CBLN2: variants seen among roughly 807,000 people sequenced by gnomAD.
The protein encoded by CBLN2 is cerebellin 2 precursor.
Under a neutral mutation model 15.0 loss-of-function variants are expected in CBLN2, and 7 were observed. The observed-to-expected ratio is 0.47, with a 90% CI of 0.27 to 0.88. CBLN2 has a LOEUF of 0.88. Among genes scored for constraint, CBLN2 ranks in the 40% least tolerant of loss-of-function variants. The pLI, the probability that CBLN2 is intolerant of heterozygous loss-of-function variation, is 0.14. For synonymous variants in CBLN2, 149 were observed against 135.2 expected (o/e 1.10, Z -0.71); for missense variants, 242 against 304.5 (o/e 0.79, Z 1.53).
At chr18:72,574,377 C>G (rs1462948056) in intron 1 of CBLN2, among the ~76,000 whole-genome samples, 1 of 152,112 alleles carries the variant, frequency 6.6e-6, no homozygotes, top group Non-Finnish European at 1.5e-5. Context: ...TGTTTTCTTT[C>G]AGGAGTTTTA....
intron 1 of CBLN2, among the ~76,000 whole-genome samples, chr18:72,598,116 T>A (rs1238414889): frequency 6.6e-6 from 1 of 152,150 alleles, no homozygotes; most frequent in East Asian, 1.9e-4. Context: ...AGAAATAGTC[T>A]TTCCCCATAA....
chr18:72,559,930 G>T (rs1031989478), intron 1 of CBLN2, among the ~76,000 whole-genome samples: 5 of 152,186 alleles, frequency 3.3e-5, no homozygotes, highest in African/African-American at 1.2e-4. Flanking sequence ...GGTGACACTT[G>T]TTAATTTTTT....
At chr18:72,542,909 C>CCCCA (rs1555700263) in intron 2 of CBLN2, 1 of 131,652 alleles carries the variant, frequency 7.6e-6, no homozygotes, top group African/African-American at 2.9e-5. Flanking sequence ...GGAAATGACA[C>CCCCA]CACACACACA....
chr18:72,579,658 G>A (rs11151776), intron 1 of CBLN2, among the ~76,000 whole-genome samples: 81,119 of 151,884 alleles, frequency 0.53, 26,255 homozygotes, highest in Non-Finnish European at 0.73. Flanking sequence ...CTTGAACCTG[G>A]GAGGCAGAGG....
intron 1 of CBLN2, chr18:72,618,434 C>A (rs1422826053): frequency 7.8e-6 from 5 of 638,730 alleles, no homozygotes; most frequent in African/African-American, 3.5e-5. Flanking sequence ...GCTCCAGGAG[C>A]TTTGGGTTTG....
chr18:72,567,864 G>A (rs945492314), intron 1 of CBLN2, among the ~76,000 whole-genome samples: 1 of 152,174 alleles, frequency 6.6e-6, no homozygotes, highest in Admixed American at 6.5e-5. Context: ...GCAGTTGCAA[G>A]TATACATTGC....
At chr18:72,558,587 C>T (rs182446932) in intron 1 of CBLN2, among the ~76,000 whole-genome samples, 1 of 152,212 alleles carries the variant, frequency 6.6e-6, no homozygotes, top group African/African-American at 2.4e-5. Context: ...GAAGTAATCC[C>T]ATTACTTCAC....
intron 1 of CBLN2, chr18:72,618,420 A>G: frequency 4.9e-6 from 3 of 613,106 alleles, no homozygotes; most frequent in South Asian, 4.5e-5. Flanking sequence ...TCCAAACACC[A>G]AGAGCTCCAG....
chr18:72,613,554 G>A (rs1184176976), intron 1 of CBLN2, among the ~76,000 whole-genome samples: 1 of 151,988 alleles, frequency 6.6e-6, no homozygotes, highest in Non-Finnish European at 1.5e-5. Context: ...GGTGATACAA[G>A]CCTTGGTACA....
intron 1 of CBLN2, among the ~76,000 whole-genome samples, chr18:72,578,000 T>A (rs1186840892): frequency 2.0e-5 from 3 of 152,212 alleles, no homozygotes; most frequent in African/African-American, 7.2e-5. Context: ...ATACAGATTC[T>A]GCAGTCAGAC....
At chr18:72,570,635 G>C (rs1339822211) in intron 1 of CBLN2, among the ~76,000 whole-genome samples, 2 of 151,826 alleles carry the variant, frequency 1.3e-5, no homozygotes, top group African/African-American at 2.4e-5. Flanking sequence ...GCCTTCTTGT[G>C]CTTGGGAAGA....
rs758434340 is a variant in CBLN2, at chr18:72,541,930, G to T, written c.231C>A (p.Ala77=). 1.9e-6 allele frequency: 3 copies of T among 1,608,006 alleles called. No individual in the cohort carries two copies. In the South Asian group the frequency reaches 3.3e-5, roughly 18 times the overall value. Residue 77 remains alanine, a synonymous_variant, in exon 3 of 5, where the codon GCC becomes GCA. Coordinates refer to ENST00000269503, the MANE Select transcript of CBLN2 (RefSeq NM_182511.4). ...CGGAGATGCCTAGGGAGGAGGTGAC[G>T]GCGCCGTCCGCCGACGGGCTGGAGT... ...VCDSSPSADG[A]VTSSLGISVR...
At chr18:72,608,789 A>G (rs1226823430) in intron 1 of CBLN2, among the ~76,000 whole-genome samples, 1 of 152,212 alleles carries the variant, frequency 6.6e-6, no homozygotes, top group Non-Finnish European at 1.5e-5. Flanking sequence ...TGGGTAACCT[A>G]TAAAGGAAAG....
At chr18:72,628,628 GA>G (rs1386383903) in intron 1 of CBLN2, among the ~76,000 whole-genome samples, 1 of 152,184 alleles carries the variant, frequency 6.6e-6, no homozygotes, top group Non-Finnish European at 1.5e-5. Flanking sequence ...GAGCCAAAGG[GA>G]CATGTCAACA....
intron 1 of CBLN2, among the ~76,000 whole-genome samples, chr18:72,609,879 G>A (rs1326738797): frequency 2.0e-5 from 3 of 152,254 alleles, no homozygotes; most frequent in South Asian, 4.1e-4. Flanking sequence ...TGGGCACATT[G>A]GGCAGTTCTG....
At position 72,555,246 on chromosome 18, in the gene CBLN2, C is replaced by T. The variant is rs77944934; in HGVS notation, c.16-16474G>A. On this transcript the variant is annotated intron_variant, in intron 1 of 2. Transcript: ENST00000581073. ...GGGACAGGGCTTCACTCTAAAGGTG[C>T]CCTCGGCTGGAAAGCCTGCTGGTGG... Among the ~76,000 whole-genome samples, 1,384 of 152,224 alleles carry T rather than the reference C, an allele frequency of 9.1e-3. 22 individuals carry two copies. Among genetic ancestry groups the T allele is most frequent in the African/African-American group, 0.031 (1,299 of 41,536 alleles).
intron 1 of CBLN2, among the ~76,000 whole-genome samples, chr18:72,594,565 T>G (rs186131238): frequency 6.6e-6 from 1 of 152,222 alleles, no homozygotes; most frequent in Admixed American, 6.5e-5. Context: ...AGGATTGGTA[T>G]TATTTATTTA....
intron 1 of CBLN2, among the ~76,000 whole-genome samples, chr18:72,627,459 C>A (rs2069747683): frequency 6.6e-6 from 1 of 152,200 alleles, no homozygotes; most frequent in Non-Finnish European, 1.5e-5. Flanking sequence ...CCTAATAGGA[C>A]TATGCGTTGC....
At chr18:72,588,249 C>A (rs1223820063) in intron 1 of CBLN2, among the ~76,000 whole-genome samples, 2 of 152,176 alleles carry the variant, frequency 1.3e-5, no homozygotes, top group African/African-American at 4.8e-5. Flanking sequence ...AATCCCCACT[C>A]CAAATCAGTT....
Sources: gnomAD v4.1 joint callset for allele counts (sites outside exome capture counted in the v4.1 genomes callset) on GRCh38, gnomAD v4.1.1 for gene constraint, MANE v1.5 for transcripts, NCBI Gene and HGNC (gene_info 2026-07-23, HGNC 2026-07-21) for gene names.